SLC4A2: variants seen among roughly 807,000 people sequenced by gnomAD.
SLC4A2 encodes anion exchange protein 2.
SLC4A2 carries 36 observed loss-of-function variants against 115.0 expected under a neutral mutation model. The observed-to-expected ratio is 0.31, with a 90% CI of 0.24 to 0.41. The LOEUF is 0.41. Ranked by LOEUF, SLC4A2 falls within the 10% of genes least tolerant of loss-of-function variation. The probability of loss-of-function intolerance (pLI) is 1.00; values close to 1 mark genes in which losing one functional copy is unlikely to be tolerated. For missense variants in SLC4A2, 1,252 were observed against 1,705.6 expected (o/e 0.73, Z 4.68); for synonymous variants, 708 against 708.3 (o/e 1.00, Z 0.01).
In SLC4A2 at chr7:151,076,002, C is replaced by G; in HGVS notation, c.3472-11C>G. ...GGGAGGAAGCTGGGCTCACCTGTCT[C>G]CGCCCCCCAGGTCCGGACCCTCCGT... On this transcript the variant is annotated splice_polypyrimidine_tract_variant and intron_variant, in intron 21 of 22. Transcript: ENST00000413384. 3 of 1,573,776 alleles carry G rather than the reference C, an allele frequency of 1.9e-6. No homozygotes were observed. Among genetic ancestry groups the G allele is most frequent in the East Asian group, 2.2e-5 (1 of 44,460 alleles).
intron 7 of SLC4A2, 65 bp downstream of exon 7, chr7:151,067,058 C>T: frequency 6.8e-7 from 1 of 1,466,282 alleles, no homozygotes; most frequent in Non-Finnish European, 9.2e-7. Flanking sequence ...ACCTCTCAGA[C>T]CAGCTGTAAT....
chr7:151,070,251 G>C lies in SLC4A2; in HGVS notation c.1354G>C (p.Gly452Arg), dbSNP rs1797384533. Residue 452 changes from glycine to arginine, a missense_variant, in exon 10 of 23, where the codon GGG (glycine) becomes CGG (arginine). Coordinates refer to ENST00000413384, the MANE Select transcript of SLC4A2 (RefSeq NM_003040.4). ...AGCTGGCTCCCTGGGCTCCCTGCTG[G>C]GGCATCACCATGGTCAGGGGGCTGA... ...ISAGSLGSLL[G>R]HHHGQGAESD... The C allele has an allele frequency of 4.3e-6, 7 of 1,614,080 alleles. No homozygotes were observed. The highest frequency in any genetic ancestry group is 5.9e-6 in the Non-Finnish European group (7 of 1,180,032).
Position 151,062,554 on chromosome 7 carries a change from G to A in SLC4A2, c.51+516G>A, listed in dbSNP as rs146935548. 4,394 of 1,417,062 alleles carry A rather than the reference G, an allele frequency of 3.1e-3. 8 individuals are homozygous for A. The highest frequency in any genetic ancestry group is 3.5e-3 in the Non-Finnish European group (3,769 of 1,088,270). 87.8% of individuals were successfully genotyped at this position (1,417,062 alleles called of 1,614,324 possible). A position where few individuals can be genotyped will look rare whatever the true frequency, so the allele number is the denominator to read the frequency against. Reference sequence around the variant, plus strand: ...CGTGCCACAATCAGCTCCGCTATTGGTCACACTGGCCCAGAGGGGCACGTG... The same window carrying A: ...CGTGCCACAATCAGCTCCGCTATTGATCACACTGGCCCAGAGGGGCACGTG... On this transcript the variant is annotated intron_variant, in intron 2 of 22. Coordinates refer to ENST00000413384, the MANE Select transcript of SLC4A2 (RefSeq NM_003040.4).
intron 8 of SLC4A2, among the ~76,000 whole-genome samples, 174 bp from the exon 9 acceptor site, chr7:151,069,773 G>A (rs1238076375): frequency 6.6e-6 from 1 of 152,192 alleles, no homozygotes; most frequent in African/African-American, 2.4e-5. Flanking sequence ...CCAGAGGGTT[G>A]ATGTGACGTA....
chr7:151,075,900 A>G lies in SLC4A2; in HGVS notation c.3472-113A>G, dbSNP rs2303938. 20,933 of 1,423,838 alleles carry G rather than the reference A, an allele frequency of 0.015. 1,541 individuals are homozygous for G. The East Asian group carries it at 0.22, about 15-fold the overall frequency. 88.2% of individuals were successfully genotyped at this position (1,423,838 alleles called of 1,614,324 possible). A position where few individuals can be genotyped will look rare whatever the true frequency, so the allele number is the denominator to read the frequency against. ...CAGCCCCCACCTCCTCTCTGTACCA[A>G]CCCAGCTCTGGCACCTAGGAATGTT... On this transcript the variant is annotated intron_variant, in intron 21 of 22. Transcript: ENST00000413384.
chr7:151,072,210 T>C, intron 16 of SLC4A2, 74 bp downstream of exon 16: 1 of 1,376,912 alleles, frequency 7.3e-7, no homozygotes, highest in Non-Finnish European at 1.0e-6. Context: ...CTTGGTCCCA[T>C]CCTCTGGATT....
chr7:151,074,686 T>G lies in SLC4A2; in HGVS notation c.2892T>G (p.Val964=). 6.3e-7 allele frequency: 1 copy of G among 1,599,898 alleles called. No individual in the cohort carries two copies. The highest frequency in any genetic ancestry group is 1.1e-5 in the South Asian group (1 of 90,412). Residue 964 remains valine (V), a synonymous_variant, in exon 19 of 23, where the codon GTT becomes GTG. Coordinates refer to ENST00000413384, the MANE Select transcript of SLC4A2 (RefSeq NM_003040.4). Reference sequence around the variant, plus strand: ...TGTCTGCCCTGCAGAAGCTGAGCGTTCCCAGTGGATTCTCGGTGACTGCCC... The same window carrying G: ...TGTCTGCCCTGCAGAAGCTGAGCGTGCCCAGTGGATTCTCGGTGACTGCCC... The part of the protein sequence containing the change: ...IEDTYTQKLS[V]PSGFSVTAPE...
chr7:151,062,488 G>GC (rs1297800136), intron 2 of SLC4A2: 2 of 1,353,802 alleles, frequency 1.5e-6, no homozygotes, highest in East Asian at 5.6e-5. Context: ...GCTCCACATG[G>GC]CCCCCTTTGG....
In SLC4A2 at chr7:151,070,008, G is replaced by A; in HGVS notation, c.1209G>A (p.Glu403=). 6.2e-7 allele frequency: 1 copy of A among 1,614,132 alleles called. No individual in the cohort carries two copies. The highest frequency in any genetic ancestry group is 8.5e-7 in the Non-Finnish European group (1 of 1,180,024). ...TLPGVAHQVV[E]QMVISDQIKA... is the part of the protein sequence containing the mutation. ...CCGGAGTGGCCCACCAGGTGGTGGA[G>A]CAGATGGTCATCTCTGACCAGATCA... Residue 403 remains glutamate (E), a synonymous_variant, in exon 9 of 23, where the codon GAG becomes GAA. Transcript: ENST00000413384.
rs756967105 is a variant in SLC4A2, at chr7:151,074,710, C to T, written c.2916C>T (p.Ala972=). Reference sequence around the variant, plus strand: ...TTCCCAGTGGATTCTCGGTGACTGCCCCAGAAAAGAGGGGCTGGGTCATCA... The same window carrying T: ...TTCCCAGTGGATTCTCGGTGACTGCTCCAGAAAAGAGGGGCTGGGTCATCA... ...LSVPSGFSVT[A]PEKRGWVINP... The change falls in exon 19 of 23, where the codon GCC becomes GCT. Residue 972 remains alanine, a synonymous_variant. Transcript: ENST00000413384. The T allele has an allele frequency of 1.9e-6, 3 of 1,606,898 alleles. No individual in the cohort carries two copies. The highest frequency in any genetic ancestry group is 2.7e-5 in the African/African-American group (2 of 74,196).
intron 16 of SLC4A2, among the ~76,000 whole-genome samples, chr7:151,073,096 C>T (rs1282552851): frequency 6.6e-6 from 1 of 151,966 alleles, no homozygotes; most frequent in Admixed American, 6.6e-5. Context: ...CTGGGACTGC[C>T]GGCGGGCCCC....
chr7:151,071,940 A>G lies in SLC4A2; in HGVS notation c.2341-2A>G. 6.2e-7 allele frequency: 1 copy of G among 1,612,400 alleles called. No homozygotes were observed. Among genetic ancestry groups the G allele is most frequent in the Non-Finnish European group, 8.5e-7 (1 of 1,179,372 alleles). ...TCAGGACCTGACTGCCCCTCCCTCCAGTTCTGTAGCAGCAACCACCTGGAG... is the reference window on the plus strand; with the variant it reads ...TCAGGACCTGACTGCCCCTCCCTCCGGTTCTGTAGCAGCAACCACCTGGAG... On this transcript the variant is annotated splice_acceptor_variant, in intron 15 of 22. Coordinates refer to ENST00000413384, the MANE Select transcript of SLC4A2 (RefSeq NM_003040.4). LOFTEE classifies it high-confidence loss of function. The surrounding 1 kb of genome is among the most constrained non-coding windows in gnomAD (Gnocchi z 5.5).
chr7:151,058,402 C>T (rs1455821456), upstream of SLC4A2: 1 of 162,646 alleles, frequency 6.1e-6, no homozygotes, highest in African/African-American at 2.4e-5. Context: ...CGGGTTTCCA[C>T]CTCTCCCCAA....
In SLC4A2 at chr7:151,064,757, C is replaced by T. The variant is rs755431871; in HGVS notation, c.449C>T (p.Ser150Phe). 2 of 1,609,034 alleles carry T rather than the reference C, an allele frequency of 1.2e-6. No homozygotes were observed. Among genetic ancestry groups the T allele is most frequent in the Admixed American group, 1.7e-5 (1 of 59,830 alleles). Residue 150 changes from serine (S) to phenylalanine (F), a missense_variant, in exon 4 of 23, where the codon TCC (serine) becomes TTC (phenylalanine). Physicochemically the swap from Ser to Phe is radical, Grantham distance 155 (BLOSUM62 -2). Coordinates refer to ENST00000413384, the MANE Select transcript of SLC4A2 (RefSeq NM_003040.4). ...CAGCCGTCCCCTGTCTCCACACCCT[C>T]CTCGGTGCAGGTGCGCTGGGTGCGG... ...LTQPSPVSTP[S>F]SVQFFLQEDD... is the part of the protein sequence containing the mutation.
chr7:151,063,304 T>C, intron 2 of SLC4A2: 1 of 814,152 alleles, frequency 1.2e-6, no homozygotes, highest in Non-Finnish European at 1.8e-6. Flanking sequence ...TCCATTCCGG[T>C]CCCTGCGGGG....
At position 151,068,072 on chromosome 7, in the gene SLC4A2, C is replaced by G. The variant is rs929642975; in HGVS notation, c.1147+18C>G. Reference sequence around the variant, plus strand: ...GGCCCATGGTAACCCCGCTCCCCTCCACCTCCCGCCTGGCCAGTCCCCAGG... The same window carrying G: ...GGCCCATGGTAACCCCGCTCCCCTCGACCTCCCGCCTGGCCAGTCCCCAGG... On this transcript the variant is annotated intron_variant, in intron 8 of 22. Transcript: ENST00000413384. The G allele has an allele frequency of 1.9e-5, 28 of 1,442,982 alleles. No individual in the cohort carries two copies. The highest frequency in any genetic ancestry group is 1.9e-4 in the Middle Eastern group (1 of 5,268). 89.4% of individuals were successfully genotyped at this position (1,442,982 alleles called of 1,614,324 possible). A position where few individuals can be genotyped will look rare whatever the true frequency, so the allele number is the denominator to read the frequency against.
At chr7:151,075,090 G>A (rs1456160748) in intron 19 of SLC4A2, 165 bp from the exon 20 acceptor site, 1 of 1,084,610 alleles carries the variant, frequency 9.2e-7, no homozygotes, top group East Asian at 2.6e-5. Context: ...TAAGGGCTGG[G>A]GGCCCAGGTT....
At chr7:151,073,069 C>G (rs1006143566) in intron 16 of SLC4A2, among the ~76,000 whole-genome samples, 1 of 152,154 alleles carries the variant, frequency 6.6e-6, no homozygotes, top group South Asian at 2.1e-4. Context: ...ATCCTTCTGC[C>G]TCAGCCACCC....
At chr7:151,062,636 G>A (rs1447268156) in intron 2 of SLC4A2, 3 of 1,522,288 alleles carry the variant, frequency 2.0e-6, no homozygotes, top group East Asian at 2.6e-5. Flanking sequence ...CACCCCTGCC[G>A]GCCATGGACT....
Sources: gnomAD v4.1 joint callset for allele counts (sites outside exome capture counted in the v4.1 genomes callset) on GRCh38, gnomAD v4.1.1 for gene constraint, Gnocchi (gnomAD v3.1) non-coding constraint, MANE v1.5 for transcripts, NCBI Gene and HGNC (gene_info 2026-07-23, HGNC 2026-07-21) for gene names.